The following ADGRL3 variants were observed in gnomAD, a reference collection of about 807,000 sequenced individuals.
ADGRL3 encodes the protein adhesion G protein-coupled receptor L3.
ADGRL3 carries 62 observed loss-of-function variants against 153.5 expected under a neutral mutation model. That is an observed-to-expected ratio of 0.40 (90% CI 0.33 to 0.50). ADGRL3 has a LOEUF of 0.50. Among genes scored for constraint, ADGRL3 ranks in the 20% least tolerant of loss-of-function variants. The pLI, the probability that ADGRL3 is intolerant of heterozygous loss-of-function variation, is 0.47. For synonymous variants in ADGRL3, 710 were observed against 672.5 expected (o/e 1.06, Z -0.86); for missense variants, 1,641 against 1,859.4 (o/e 0.88, Z 2.16).
At chr4:61,523,790 G>C (rs929836853) in intron 4 of ADGRL3, among the ~76,000 whole-genome samples, 2 of 152,034 alleles carry the variant, frequency 1.3e-5, no homozygotes, top group Admixed American at 1.3e-4. Context: ...TATAAGCTCA[G>C]TCTTTTTTTC....
intron 9 of ADGRL3, among the ~76,000 whole-genome samples, chr4:61,852,830 A>C (rs1455034245): frequency 4.0e-5 from 6 of 151,314 alleles, no homozygotes; most frequent in African/African-American, 1.2e-4. Context: ...TTATTTATTT[A>C]TTTATTTATT....
chr4:61,929,333 A>C (rs1458022379), intron 13 of ADGRL3, among the ~76,000 whole-genome samples: 1 of 152,154 alleles, frequency 6.6e-6, no homozygotes, highest in East Asian at 1.9e-4. Context: ...AACTGTGAGC[A>C]ATAAATTTCT....
intron 5 of ADGRL3, among the ~76,000 whole-genome samples, chr4:61,654,825 C>T (rs556550307): frequency 1.2e-4 from 18 of 148,960 alleles, no homozygotes; most frequent in Admixed American, 4.7e-4. Flanking sequence ...TGAACCCATG[C>T]GGCAGAGGTT....
At chr4:61,559,305 A>T (rs1010281595) in intron 4 of ADGRL3, among the ~76,000 whole-genome samples, 12 of 152,138 alleles carry the variant, frequency 7.9e-5, no homozygotes, top group Non-Finnish European at 7.4e-5. Flanking sequence ...CTTGTAGAGA[A>T]ATAACTCAGT....
chr4:61,753,504 G>T (rs1433624950), intron 8 of ADGRL3, among the ~76,000 whole-genome samples: 1 of 152,132 alleles, frequency 6.6e-6, no homozygotes, highest in African/African-American at 2.4e-5. Flanking sequence ...TTCCTAACAA[G>T]AACCTGAGCA....
intron 19 of ADGRL3, among the ~76,000 whole-genome samples, chr4:61,987,733 C>G (rs530634761): frequency 2.7e-4 from 41 of 152,048 alleles, no homozygotes; most frequent in Admixed American, 2.0e-4. Flanking sequence ...TCTTGGAAAT[C>G]TTTTTTACTT....
chr4:61,671,501 G>A (rs1175322199), intron 5 of ADGRL3, among the ~76,000 whole-genome samples: 5 of 152,182 alleles, frequency 3.3e-5, no homozygotes, highest in South Asian at 4.2e-4. Context: ...CATGTAAATC[G>A]GAGGTTTATA....
At chr4:61,291,639 A>G (rs887830428) in intron 1 of ADGRL3, among the ~76,000 whole-genome samples, 2 of 106,910 alleles carry the variant, frequency 1.9e-5, no homozygotes, top group African/African-American at 6.4e-5. Flanking sequence ...ATATTTATTT[A>G]TATATGCATG....
chr4:61,515,801 A>T (rs1300985151), intron 3 of ADGRL3, among the ~76,000 whole-genome samples: 1 of 152,168 alleles, frequency 6.6e-6, no homozygotes, highest in Non-Finnish European at 1.5e-5. Context: ...TTTTTATATT[A>T]GTCATATTGT....
chr4:61,952,049 T>C (rs1323082214), intron 17 of ADGRL3, among the ~76,000 whole-genome samples: 5 of 152,142 alleles, frequency 3.3e-5, no homozygotes, highest in Non-Finnish European at 7.3e-5. Flanking sequence ...TAGAGGTCGA[T>C]AGAAAGGCTA....
chr4:61,552,050 A>T (rs1454594515), intron 4 of ADGRL3, among the ~76,000 whole-genome samples: 1 of 152,184 alleles, frequency 6.6e-6, no homozygotes, highest in African/African-American at 2.4e-5. Flanking sequence ...TATTATAACA[A>T]TACCAATTTA....
rs1003517413 is a variant in ADGRL3 at position 61,789,217 on chromosome 4, T to C, written c.1400-24592T>C. Among the ~76,000 whole-genome samples the C allele has an allele frequency of 3.9e-5, 6 of 152,248 alleles. No homozygotes were observed. The South Asian group carries it at 6.2e-4, about 16-fold the overall frequency. On this transcript the variant is annotated intron_variant, in intron 8 of 26. Coordinates refer to ENST00000683033, the MANE Select transcript of ADGRL3 (RefSeq NM_001387552.1). ...GAAAAGTACGTATTTATTTACCAAA[T>C]TTTTGTTTTCTTGGAACACTTTTCA... is the stretch of plus-strand genomic sequence containing the variant.
intron 2 of ADGRL3, among the ~76,000 whole-genome samples, chr4:61,469,945 A>G (rs968854748): frequency 1.3e-5 from 2 of 151,896 alleles, no homozygotes; most frequent in Non-Finnish European, 2.9e-5. Context: ...ACAAAAAAAA[A>G]CAAACCCCCA....
intron 4 of ADGRL3, among the ~76,000 whole-genome samples, chr4:61,552,219 A>G (rs746816244): frequency 6.6e-6 from 1 of 152,154 alleles, no homozygotes; most frequent in Non-Finnish European, 1.5e-5. Context: ...AGCACCTACT[A>G]TAACATCAGG....
At chr4:61,757,111 G>T (rs2096843591) in intron 8 of ADGRL3, among the ~76,000 whole-genome samples, 1 of 152,214 alleles carries the variant, frequency 6.6e-6, no homozygotes, top group South Asian at 2.1e-4. Context: ...CCCGGCTTTT[G>T]GTTCAGGATG....
At chr4:61,676,564 A>G (rs2150903412) in intron 5 of ADGRL3, among the ~76,000 whole-genome samples, 1 of 152,038 alleles carries the variant, frequency 6.6e-6, no homozygotes, top group African/African-American at 2.4e-5. Flanking sequence ...TGCTTCAGCA[A>G]TATTTAACTT....
chr4:61,562,256 G>A (rs1307025302), intron 4 of ADGRL3, among the ~76,000 whole-genome samples: 1 of 152,152 alleles, frequency 6.6e-6, no homozygotes, highest in African/African-American at 2.4e-5. Context: ...TCTTTTGGAT[G>A]GTGGAGGATC....
intron 5 of ADGRL3, among the ~76,000 whole-genome samples, chr4:61,674,829 T>C (rs1444628831): frequency 6.6e-6 from 1 of 151,988 alleles, no homozygotes; most frequent in East Asian, 1.9e-4. Context: ...AATTTCTTTG[T>C]AATACGAAAG....
At position 62,034,873 on chromosome 4, in the gene ADGRL3, C is replaced by T. The variant is rs1431668438; in HGVS notation, c.3592-2858C>T. Among the ~76,000 whole-genome samples, 5 of 151,922 alleles carry T rather than the reference C, an allele frequency of 3.3e-5. No homozygotes were observed. The Middle Eastern group carries it at 0.01, about 310-fold the overall frequency. ...ATTTGATATATTCCCAGAGCTTCCA[C>T]AATCATTTTATTTCTGATATGAGAA... On this transcript the variant is annotated intron_variant, in intron 23 of 26. Coordinates refer to ENST00000683033, the MANE Select transcript of ADGRL3 (RefSeq NM_001387552.1).
Sources: gnomAD v4.1 joint callset for allele counts (sites outside exome capture counted in the v4.1 genomes callset) on GRCh38, gnomAD v4.1.1 for gene constraint, MANE v1.5 for transcripts, NCBI Gene and HGNC (gene_info 2026-07-23, HGNC 2026-07-21) for gene names.